The following BRF1 variants were observed in gnomAD, a reference collection of about 807,000 sequenced individuals.
The protein encoded by BRF1 is BRF1 general transcription factor IIIB subunit, also known as transcription factor IIIB 90 kDa subunit.
Under a neutral mutation model 81.7 loss-of-function variants are expected in BRF1, and 59 were observed. The observed-to-expected ratio is 0.72, with a 90% CI of 0.59 to 0.90. The LOEUF is 0.90. Ranked by LOEUF, BRF1 falls within the 40% of genes least tolerant of loss-of-function variation. The probability of loss-of-function intolerance (pLI) is 0.00; values close to 1 mark genes in which losing one functional copy is unlikely to be tolerated. For missense variants in BRF1, 1,050 were observed against 936.3 expected (o/e 1.12, Z -1.58); for synonymous variants, 491 against 395.6 (o/e 1.24, Z -2.86).
chr14:105,210,474 G>T lies in BRF1; in HGVS notation c.*77C>A, dbSNP rs374972527. ...CTCGGCGCTGGGGCCTGCCTGCTGC[G>T]GTCCTGGAAGCCCGTCTGATGCTGA... On this transcript the variant is annotated 3_prime_UTR_variant, in exon 18 of 18. Transcript: ENST00000547530. This position sits in a 1 kb window ranked among gnomAD's most constrained non-coding sequence, Gnocchi z 4.7. The T allele has an allele frequency of 1.3e-6, 2 of 1,550,878 alleles. No individual in the cohort carries two copies. The highest frequency in any genetic ancestry group is 8.8e-7 in the Non-Finnish European group (1 of 1,140,590).
chr14:105,211,153 G>A lies in BRF1; in HGVS notation c.1965C>T (p.Cys655=), dbSNP rs768686339. 6.2e-6 allele frequency: 10 copies of A among 1,612,528 alleles called. No homozygotes were observed. Among genetic ancestry groups the A allele is most frequent in the East Asian group, 2.2e-5 (1 of 44,870 alleles). ...EEPDEEDGEP[C]VSALQMMGSN... ...TGCCCATCATCTGCAGGGCACTGAC[G>A]CAGGGCTCCCCGTCCTCCTCGTCAG... is the stretch of plus-strand genomic sequence containing the variant. Residue 655 remains cysteine, a synonymous_variant, in exon 17 of 18, where the codon TGC becomes TGT. Transcript: ENST00000547530.
intron 3 of BRF1, among the ~76,000 whole-genome samples, chr14:105,263,664 G>A (rs1271583449): frequency 2.0e-5 from 3 of 152,126 alleles, no homozygotes; most frequent in African/African-American, 2.4e-5. Context: ...GATGGCTCAC[G>A]CCTGTAATCC....
In BRF1 at chr14:105,297,765, G is replaced by A. The variant is rs911666677; in HGVS notation, c.184+2681C>T. ...TAAACCCAGCACTTTGGGAGGCTGA[G>A]GCAGGTGGATCACGAGGTCAGGAGA... is the stretch of plus-strand genomic sequence containing the variant. On this transcript the variant is annotated intron_variant, in intron 1 of 17. Coordinates refer to ENST00000547530, the MANE Select transcript of BRF1 (RefSeq NM_001519.4). Among the ~76,000 whole-genome samples, 3 of 151,654 alleles carry A rather than the reference G, an allele frequency of 2.0e-5. No homozygotes were observed. The East Asian group carries it at 5.9e-4, about 30-fold the overall frequency.
At position 105,309,477 on chromosome 14, in the gene BRF1, G is replaced by A. The variant is rs1566886341; in HGVS notation, c.-162+5845C>T. Among the ~76,000 whole-genome samples the A allele has an allele frequency of 6.6e-6, 1 of 152,240 alleles. No individual in the cohort carries two copies. Among genetic ancestry groups the A allele is most frequent in the East Asian group, 1.9e-4 (1 of 5,206 alleles). On this transcript the variant is annotated intron_variant, in intron 1 of 17. Coordinates refer to the BRF1 transcript ENST00000327359. The surrounding 1 kb of genome is among the most constrained non-coding windows in gnomAD (Gnocchi z 4.0). ...TCCCCTGGACTGGACATTCCTTTCT[G>A]TAGGTGTTGCTGTTTGAAATATCTC...
intron 4 of BRF1, among the ~76,000 whole-genome samples, chr14:105,255,730 C>A (rs2055834623): frequency 6.6e-6 from 1 of 152,206 alleles, no homozygotes; most frequent in African/African-American, 2.4e-5. Context: ...TCACTTTGTT[C>A]AGTCATGTGG....
At position 105,217,726 on chromosome 14, in the gene BRF1, C is replaced by G; in HGVS notation, c.1590G>C (p.Glu530Asp). The part of the protein sequence containing the change: ...TAREAIEKML[E>D]QKKISSKINY... ...TGATCTTGCTGGAGATCTTCTTCTG[C>G]TCCAGCATCTTCTCGATGGCCTCCC... Residue 530 changes from glutamate (E) to aspartate (D), a missense_variant, in exon 15 of 18, where the codon GAG becomes GAC. Transcript: ENST00000547530. 1 of 1,613,470 alleles carries G rather than the reference C, an allele frequency of 6.2e-7. No individual in the cohort carries two copies. Among genetic ancestry groups the G allele is most frequent in the Non-Finnish European group, 8.5e-7 (1 of 1,180,030 alleles).
intron 14 of BRF1, among the ~76,000 whole-genome samples, chr14:105,218,413 G>T (rs904290287): frequency 2.6e-5 from 4 of 152,276 alleles, no homozygotes; most frequent in African/African-American, 9.6e-5. Context: ...CTGACCACAA[G>T]CTCCCCGGGT....
chr14:105,254,048 C>T (rs1437924244), intron 4 of BRF1, among the ~76,000 whole-genome samples: 2 of 152,144 alleles, frequency 1.3e-5, no homozygotes, highest in Non-Finnish European at 2.9e-5. Flanking sequence ...CGTCCTGATC[C>T]CACCATCTCT....
intron 15 of BRF1, 190 bp downstream of exon 15, chr14:105,217,354 G>T: frequency 1.1e-6 from 1 of 886,332 alleles, no homozygotes; most frequent in Non-Finnish European, 1.7e-6. Flanking sequence ...AGCCTGCCAG[G>T]CCAAGGAGAG....
chr14:105,263,539 G>T (rs914624465), intron 3 of BRF1, among the ~76,000 whole-genome samples: 2 of 152,160 alleles, frequency 1.3e-5, no homozygotes, highest in African/African-American at 4.8e-5. Flanking sequence ...GGACACCTGG[G>T]TCCTGCCACG....
At chr14:105,250,597 C>T in intron 5 of BRF1, 1 of 1,614,070 alleles carries the variant, frequency 6.2e-7, no homozygotes, top group Non-Finnish European at 8.5e-7. Context: ...CCTTCCAGTT[C>T]CAGTGCTCCT....
chr14:105,301,451 G>T (rs896612623), upstream of BRF1, among the ~76,000 whole-genome samples: 4 of 151,978 alleles, frequency 2.6e-5, no homozygotes, highest in Non-Finnish European at 5.9e-5. Context: ...GAGCGTGGTG[G>T]GCGGGGCCTT....
At chr14:105,226,400 T>C (rs1595305759) in intron 8 of BRF1, 110 bp from the exon 9 acceptor site, 1 of 1,500,608 alleles carries the variant, frequency 6.7e-7, no homozygotes, top group South Asian at 1.1e-5. Flanking sequence ...AACTTAGGGG[T>C]ACGCAGCGAT....
chr14:105,283,110 C>A (rs1217713792), intron 2 of BRF1, among the ~76,000 whole-genome samples: 1 of 152,164 alleles, frequency 6.6e-6, no homozygotes, highest in South Asian at 2.1e-4. Context: ...CCAGGACACT[C>A]GACAGCAAGG....
chr14:105,250,420 G>A (rs144442700), intron 5 of BRF1: 2 of 1,613,932 alleles, frequency 1.2e-6, no homozygotes, highest in Non-Finnish European at 1.7e-6. Context: ...CTCAGAACTT[G>A]ACCAAGTTCA....
In BRF1 at chr14:105,271,729, G is replaced by A. The variant is rs587743050; in HGVS notation, c.439+992C>T. Among the ~76,000 whole-genome samples the A allele has an allele frequency of 6.6e-6, 1 of 152,358 alleles. No homozygotes were observed. The highest frequency in any genetic ancestry group is 6.5e-5 in the Admixed American group (1 of 15,308). ...CAGCTCCTGACCCATGTGTGTGTCT[G>A]CAGATGGCAGCAGTGGGCACAGGAC... On this transcript the variant is annotated intron_variant, in intron 3 of 17. Transcript: ENST00000547530. The surrounding 1 kb of genome is among the most constrained non-coding windows in gnomAD (Gnocchi z 5.5).
At position 105,221,586 on chromosome 14, in the gene BRF1, G is replaced by C. The variant is rs1004474813; in HGVS notation, c.1315+62C>G. On this transcript the variant is annotated intron_variant, in intron 11 of 17. Coordinates refer to ENST00000547530, the MANE Select transcript of BRF1 (RefSeq NM_001519.4). The stretch of plus-strand genomic sequence containing the variant: ...GCAGCATCCGGCTCTCCCCATGAGA[G>C]GCACACGCCTGAAAGATCTCCCGAT... The C allele has an allele frequency of 4.5e-6, 7 of 1,563,356 alleles. No homozygotes were observed. The African/African-American group carries it at 9.7e-5, about 22-fold the overall frequency.
At chr14:105,213,229 C>G (rs1890442390) in intron 15 of BRF1, 1 of 152,288 alleles carries the variant, frequency 6.6e-6, no homozygotes, top group African/African-American at 2.4e-5. Context: ...CAATGAGACA[C>G]CCCACTGTGG....
chr14:105,229,209 CTG>C (rs1566818152), intron 6 of BRF1, among the ~76,000 whole-genome samples: 1 of 152,224 alleles, frequency 6.6e-6, no homozygotes, highest in African/African-American at 2.4e-5. Flanking sequence ...TCTAAGATGA[CTG>C]TGCGGGAAAC....
Sources: allele counts gnomAD v4.1 joint callset (sites outside exome capture counted in the v4.1 genomes callset), GRCh38; gene constraint gnomAD v4.1.1; non-coding constraint Gnocchi (gnomAD v3.1); transcripts MANE v1.5; gene names NCBI Gene and HGNC (gene_info 2026-07-23, HGNC 2026-07-21).